NUP210L: variants seen among roughly 807,000 people sequenced by gnomAD.
NUP210L encodes the protein nuclear pore membrane glycoprotein 210-like.
Under a neutral mutation model 208.5 loss-of-function variants are expected in NUP210L, and 74 were observed. That is an observed-to-expected ratio of 0.35 (90% CI 0.29 to 0.43). The LOEUF (loss-of-function observed/expected upper bound fraction) is 0.43. Among genes scored for constraint, NUP210L ranks in the 20% least tolerant of loss-of-function variants. The pLI is 1.00. For missense variants in NUP210L, 1,843 were observed against 2,289.4 expected (o/e 0.81, Z 3.98); for synonymous variants, 780 against 816.9 (o/e 0.95, Z 0.77).
At chr1:154,107,739 T>C (rs1656842311) in intron 12 of NUP210L, among the ~76,000 whole-genome samples, 1 of 150,624 alleles carries the variant, frequency 6.6e-6, no homozygotes, top group African/African-American at 2.4e-5. Flanking sequence ...TGGTGGCGCA[T>C]GCTATAATCC....
At chr1:154,124,727 G>A (rs1299499596) in intron 10 of NUP210L, among the ~76,000 whole-genome samples, 2 of 152,216 alleles carry the variant, frequency 1.3e-5, no homozygotes, top group Non-Finnish European at 2.9e-5. Context: ...CAAGGCAGGA[G>A]GAACACTTGA....
At chr1:154,075,850 T>A (rs1655003924) in intron 16 of NUP210L, among the ~76,000 whole-genome samples, 1 of 151,864 alleles carries the variant, frequency 6.6e-6, no homozygotes, top group South Asian at 2.1e-4. Context: ...AATGCAGTGA[T>A]GCAATCATAG....
intron 27 of NUP210L, among the ~76,000 whole-genome samples, chr1:154,045,796 A>G (rs1200855165): frequency 1.3e-5 from 2 of 152,116 alleles, no homozygotes; most frequent in Admixed American, 6.6e-5. Context: ...AGCCTGGGCA[A>G]CAAGGCAAAA....
chr1:154,109,647 A>G (rs538748922), intron 12 of NUP210L, among the ~76,000 whole-genome samples: 4 of 151,770 alleles, frequency 2.6e-5, no homozygotes, highest in East Asian at 1.9e-4. Context: ...AGACTACGTT[A>G]GGTCCAAAAC....
intron 22 of NUP210L, 60 bp from the exon 23 acceptor site, chr1:154,057,007 C>T: frequency 6.4e-7 from 1 of 1,551,082 alleles, no homozygotes; most frequent in Non-Finnish European, 8.8e-7. Flanking sequence ...AAGACAGGGT[C>T]TTACTCTGTC....
chr1:154,105,742 A>T (rs531289362), intron 12 of NUP210L, among the ~76,000 whole-genome samples: 4 of 152,312 alleles, frequency 2.6e-5, no homozygotes, highest in Middle Eastern at 3.4e-3. Flanking sequence ...GGGGTCCCCA[A>T]TTTCAGGCCT....
At chr1:154,152,605 G>T in intron 2 of NUP210L, 131 bp downstream of exon 2, 1 of 805,264 alleles carries the variant, frequency 1.2e-6, no homozygotes, top group Non-Finnish European at 1.9e-6. Flanking sequence ...AGCCACTGCA[G>T]CCAGCTAGGA....
intron 12 of NUP210L, among the ~76,000 whole-genome samples, chr1:154,115,566 T>C (rs758441105): frequency 3.9e-5 from 6 of 152,212 alleles, no homozygotes; most frequent in Non-Finnish European, 8.8e-5. Context: ...GATTTCTCTT[T>C]TACAAACTAA....
chr1:154,004,193 C>T (rs955074219), intron 35 of NUP210L, among the ~76,000 whole-genome samples: 1 of 151,442 alleles, frequency 6.6e-6, no homozygotes, highest in Non-Finnish European at 1.5e-5. Flanking sequence ...CTCAGCCTCC[C>T]GAGTAGCTGG....
exon 18 of NUP210L, chr1:154,061,589 T>C (rs1203061135): frequency 1.9e-6 from 3 of 1,544,976 alleles, no homozygotes; most frequent in Middle Eastern, 1.7e-4. Context: ...CACTCACTTT[T>C]GGGCTTTTCT....
At chr1:154,037,871 G>A (rs1652649896) in intron 27 of NUP210L, among the ~76,000 whole-genome samples, 1 of 152,086 alleles carries the variant, frequency 6.6e-6, no homozygotes, top group Non-Finnish European at 1.5e-5. Flanking sequence ...ACCCAACTCG[G>A]CCTTCCCAAA....
At chr1:154,131,082 C>T (rs184965787) in intron 7 of NUP210L, among the ~76,000 whole-genome samples, 123 of 151,598 alleles carry the variant, frequency 8.1e-4, no homozygotes, top group Non-Finnish European at 1.2e-3. Flanking sequence ...CTGGCTAACA[C>T]GGTGAAACCC....
intron 17 of NUP210L, among the ~76,000 whole-genome samples, chr1:154,067,499 G>A (rs571907538): frequency 4.9e-4 from 74 of 152,198 alleles, no homozygotes; most frequent in African/African-American, 1.7e-3. Flanking sequence ...ACTGAAATGC[G>A]CAAAAACTGG....
chr1:154,016,838 C>T (rs1002969734), intron 33 of NUP210L, among the ~76,000 whole-genome samples: 19 of 152,126 alleles, frequency 1.2e-4, no homozygotes, highest in African/African-American at 4.6e-4. Context: ...TGGCGGCATG[C>T]ACCTGTAGTC....
Position 154,007,340 on chromosome 1 carries a change from G to A in NUP210L, c.4930+2632C>T, listed in dbSNP as rs540968368. Reference sequence around the variant, plus strand: ...TGCAATGGTGCCATCTTGGCTCACCGCAACCTCCACTTCCTGGGTTCAAGT... The same window carrying A: ...TGCAATGGTGCCATCTTGGCTCACCACAACCTCCACTTCCTGGGTTCAAGT... On this transcript the variant is annotated intron_variant, in intron 35 of 39. Coordinates refer to ENST00000368559, the Ensembl canonical transcript of NUP210L. 1.2e-3 allele frequency among the ~76,000 whole-genome samples: 184 copies of A among 147,506 alleles called. 1 individual carries two copies. Among genetic ancestry groups the A allele is most frequent in the South Asian group, 9.2e-3 (43 of 4,650 alleles).
intron 16 of NUP210L, among the ~76,000 whole-genome samples, chr1:154,076,941 C>G (rs1655067567): frequency 6.6e-6 from 1 of 152,118 alleles, no homozygotes; most frequent in South Asian, 2.1e-4. Flanking sequence ...CATAATCAAT[C>G]TGTCCAGAGT....
intron 33 of NUP210L, among the ~76,000 whole-genome samples, chr1:154,015,025 A>G (rs1651160386): frequency 6.6e-6 from 1 of 152,096 alleles, no homozygotes; most frequent in Non-Finnish European, 1.5e-5. Context: ...AATAAAATAA[A>G]ACAAAGTTGG....
At chr1:154,084,110 G>A (rs1455932518) in intron 16 of NUP210L, among the ~76,000 whole-genome samples, 2 of 147,042 alleles carry the variant, frequency 1.4e-5, no homozygotes, top group Non-Finnish European at 3.0e-5. Context: ...CGCAATCTTG[G>A]CTCACTGGAG....
rs552831606 is a variant in NUP210L at position 154,000,729 on chromosome 1, T to C, written c.5386+127A>G. On this transcript the variant is annotated intron_variant, in intron 37 of 39. Transcript: ENST00000368559. ...CTGTTTATTTCAGGAGTTTTTCATT[T>C]ATTTTTGGACCGTGGTTGACAGTTA... 2.1e-5 allele frequency: 16 copies of C among 766,994 alleles called. No individual in the cohort carries two copies. The East Asian group carries it at 3.9e-4, about 19-fold the overall frequency. 47.5% of individuals were successfully genotyped at this position (766,994 alleles called of 1,614,324 possible).
Sources: allele counts gnomAD v4.1 joint callset (sites outside exome capture counted in the v4.1 genomes callset), GRCh38; gene constraint gnomAD v4.1.1; transcripts MANE v1.5; gene names NCBI Gene and HGNC (gene_info 2026-07-23, HGNC 2026-07-21).